Variants in RGL1 observed in about 807,000 individuals in gnomAD.
RGL1 encodes ral guanine nucleotide dissociation stimulator-like 1.
Under a neutral mutation model 95.2 loss-of-function variants are expected in RGL1, and 24 were observed. That is an observed-to-expected ratio of 0.25 (90% CI 0.18 to 0.35). RGL1 has a LOEUF of 0.35. Among genes scored for constraint, RGL1 ranks in the 10% least tolerant of loss-of-function variants. The probability of loss-of-function intolerance (pLI) is 1.00; values close to 1 mark genes in which losing one functional copy is unlikely to be tolerated. For missense variants in RGL1, 715 were observed against 936.3 expected, an observed-to-expected ratio of 0.76 and a Z score of 3.08; for synonymous variants, 329 against 344.9, an observed-to-expected ratio of 0.95 and a Z score of 0.51.
At chr1:183,783,633 C>G (rs939993511) in intron 2 of RGL1, among the ~76,000 whole-genome samples, 11 of 152,142 alleles carry the variant, frequency 7.2e-5, no homozygotes, top group African/African-American at 2.7e-4. Flanking sequence ...TTTCCCCCAG[C>G]TACTTTGCTT....
chr1:183,718,726 C>T (rs192469441), intron 1 of RGL1, among the ~76,000 whole-genome samples: 88 of 151,934 alleles, frequency 5.8e-4, no homozygotes, highest in African/African-American at 2.1e-3. Flanking sequence ...ACCAGCCTGA[C>T]CAACATGGTG....
At chr1:183,662,805 C>G (rs1361401926) in intron 1 of RGL1, among the ~76,000 whole-genome samples, 1 of 152,148 alleles carries the variant, frequency 6.6e-6, no homozygotes, top group African/African-American at 2.4e-5. Context: ...TACCTGAGTT[C>G]AAACTATACT....
chr1:183,840,019 G>A (rs1447900253), intron 2 of RGL1, among the ~76,000 whole-genome samples: 1 of 152,216 alleles, frequency 6.6e-6, no homozygotes, highest in East Asian at 1.9e-4. Context: ...AGAATGGACA[G>A]CCATGTGGAA....
intron 1 of RGL1, among the ~76,000 whole-genome samples, chr1:183,738,636 C>T (rs1416132170): frequency 1.3e-5 from 2 of 151,740 alleles, no homozygotes; most frequent in African/African-American, 4.8e-5. Flanking sequence ...TGAGATGGCT[C>T]ATGCCTGTAA....
chr1:183,778,175 A>G (rs958165714), intron 2 of RGL1, among the ~76,000 whole-genome samples: 3 of 152,214 alleles, frequency 2.0e-5, no homozygotes, highest in Non-Finnish European at 2.9e-5. Context: ...TTGTTCTCAC[A>G]GGAAGATCTA....
intron 15 of RGL1, among the ~76,000 whole-genome samples, chr1:183,914,013 A>C (rs1668818519): frequency 6.6e-6 from 1 of 152,220 alleles, no homozygotes; most frequent in South Asian, 2.1e-4. Flanking sequence ...GTGACTTGAC[A>C]TACAAATTAG....
At chr1:183,840,151 G>A (rs961848998) in intron 2 of RGL1, among the ~76,000 whole-genome samples, 1 of 152,182 alleles carries the variant, frequency 6.6e-6, no homozygotes, top group Middle Eastern at 3.2e-3. Context: ...CCCTGGGTGT[G>A]GGCCAGGACC....
intron 2 of RGL1, among the ~76,000 whole-genome samples, chr1:183,743,911 G>A (rs1657464456): frequency 6.6e-6 from 1 of 152,236 alleles, no homozygotes; most frequent in African/African-American, 2.4e-5. Flanking sequence ...GAAGCTTACA[G>A]AATTGGTGAG....
At chr1:183,782,866 G>A (rs117602486) in intron 2 of RGL1, among the ~76,000 whole-genome samples, 3 of 152,200 alleles carry the variant, frequency 2.0e-5, no homozygotes, top group South Asian at 4.2e-4. Context: ...GTAGTCAGAC[G>A]TCCATGTGTA....
chr1:183,834,834 C>G (rs564459944), intron 2 of RGL1, among the ~76,000 whole-genome samples: 1 of 151,968 alleles, frequency 6.6e-6, no homozygotes, highest in South Asian at 2.1e-4. Context: ...GCACATATCA[C>G]CACACCCAGG....
intron 9 of RGL1, among the ~76,000 whole-genome samples, chr1:183,893,699 T>C (rs1667544965): frequency 6.6e-6 from 1 of 152,164 alleles, no homozygotes; most frequent in South Asian, 2.1e-4. Context: ...TCTGGAAGCC[T>C]TCCTTCATTC....
intron 3 of RGL1, among the ~76,000 whole-genome samples, chr1:183,865,743 TAA>T (rs1343258766): frequency 6.6e-6 from 1 of 152,222 alleles, no homozygotes; most frequent in Non-Finnish European, 1.5e-5. Context: ...CAATAAATGT[TAA>T]GTGTTAATAT....
At chr1:183,776,603 G>A (rs1217413116) in intron 2 of RGL1, among the ~76,000 whole-genome samples, 1 of 152,186 alleles carries the variant, frequency 6.6e-6, no homozygotes, top group African/African-American at 2.4e-5. Flanking sequence ...AAACTGGCAG[G>A]CAGAGAATGA....
chr1:183,759,290 G>A lies in RGL1; in HGVS notation c.132+17001G>A, dbSNP rs112992706. Among the ~76,000 whole-genome samples, 588 of 152,246 alleles carry A rather than the reference G, an allele frequency of 3.9e-3. 5 individuals are homozygous for A. Among genetic ancestry groups the A allele is most frequent in the African/African-American group, 0.013 (555 of 41,542 alleles). On this transcript the variant is annotated intron_variant, in intron 2 of 18. Transcript: ENST00000304685. Reference sequence around the variant, plus strand: ...GGTTTTTGAGGAAAAGGCATGCCACGGCAGGGAGAATGTTTGGGATTGGTT... The same window carrying A: ...GGTTTTTGAGGAAAAGGCATGCCACAGCAGGGAGAATGTTTGGGATTGGTT...
chr1:183,839,056 G>A (rs1019630076), intron 2 of RGL1, among the ~76,000 whole-genome samples: 1 of 152,166 alleles, frequency 6.6e-6, no homozygotes, highest in Non-Finnish European at 1.5e-5. Flanking sequence ...TCTCTGCCCA[G>A]AAATGCCATC....
rs771411035 is a variant in RGL1 at position 183,866,118 on chromosome 1, A to G, written c.425+45A>G. 5 of 1,468,712 alleles carry G rather than the reference A, an allele frequency of 3.4e-6. No homozygotes were observed. The South Asian group carries it at 3.4e-5, about 10-fold the overall frequency. The allele number at this position is 1,468,712 out of a possible 1,614,324, so 91.0% of individuals were successfully genotyped here. ...GCATTCTAAGCTCTCAGTCAAGACA[A>G]TATCTTAAAGTAGTTTAGTAGAGTA... is the stretch of plus-strand genomic sequence containing the variant. On this transcript the variant is annotated intron_variant, in intron 4 of 17. Coordinates refer to ENST00000360851, the MANE Select transcript of RGL1 (RefSeq NM_001297671.3).
At chr1:183,836,183 C>G (rs1378282502) in intron 2 of RGL1, among the ~76,000 whole-genome samples, 1 of 152,000 alleles carries the variant, frequency 6.6e-6, no homozygotes, top group Admixed American at 6.5e-5. Context: ...GAATGGTTTT[C>G]TTAGAATTAA....
chr1:183,835,058 T>C (rs184269957), intron 2 of RGL1, among the ~76,000 whole-genome samples: 2 of 152,268 alleles, frequency 1.3e-5, no homozygotes, highest in East Asian at 3.9e-4. Context: ...AGCATCTTCT[T>C]AGGAGGATAA....
At chr1:183,832,974 A>G (rs1663365672) in intron 2 of RGL1, among the ~76,000 whole-genome samples, 1 of 152,172 alleles carries the variant, frequency 6.6e-6, no homozygotes, top group South Asian at 2.1e-4. Flanking sequence ...TGGAAGAGTA[A>G]TGGGGGCAGA....
Sources: gnomAD v4.1 joint callset for allele counts (sites outside exome capture counted in the v4.1 genomes callset) on GRCh38, gnomAD v4.1.1 for gene constraint, MANE v1.5 for transcripts, NCBI Gene and HGNC (gene_info 2026-07-23, HGNC 2026-07-21) for gene names.